GALK2: variants seen among roughly 807,000 people sequenced by gnomAD.
GALK2 encodes the protein galactokinase 2.
A neutral mutation model predicts 52.4 loss-of-function variants in GALK2; 36 were observed. The observed-to-expected ratio is 0.69, with a 90% CI of 0.53 to 0.91. The LOEUF (loss-of-function observed/expected upper bound fraction) is 0.91, where lower values mean the gene tolerates loss of function less well. GALK2 is among the 40% of genes least tolerant of loss of function. The pLI, the probability that GALK2 is intolerant of heterozygous loss-of-function variation, is 0.00. For missense variants in GALK2, 579 were observed against 559.1 expected (o/e 1.04, Z -0.36); for synonymous variants, 176 against 199.1 (o/e 0.88, Z 0.98).
At chr15:49,287,988 C>T (rs1289323649) in intron 7 of GALK2, among the ~76,000 whole-genome samples, 2 of 152,070 alleles carry the variant, frequency 1.3e-5, no homozygotes, top group Non-Finnish European at 2.9e-5. Context: ...AAAGCTAATT[C>T]ATGCAAATTC....
intron 7 of GALK2, among the ~76,000 whole-genome samples, chr15:49,285,413 C>T (rs2033234910): frequency 1.3e-5 from 2 of 152,064 alleles, no homozygotes; most frequent in African/African-American, 4.8e-5. Flanking sequence ...CACTCCTCCT[C>T]CCACAGATGT....
At chr15:49,192,995 ACCTTTT>A (rs2086886616) in intron 1 of GALK2, among the ~76,000 whole-genome samples, 4 of 126,704 alleles carry the variant, frequency 3.2e-5, no homozygotes, top group Admixed American at 8.0e-5. Context: ...TTCTGTTTAT[ACCTTTT>A]TTTTTTTTTT....
chr15:49,225,126 C>G, intron 3 of GALK2: 1 of 442,814 alleles, frequency 2.3e-6, no homozygotes, highest in Non-Finnish European at 4.5e-6. Context: ...ACAGATGACC[C>G]TCTCAGCAGG....
At position 49,367,394 on chromosome 15, in the gene GALK2, T is replaced by C. The variant is rs2045389876; in HGVS notation, c.427-97T>C. 3.5e-6 allele frequency: 5 copies of C among 1,424,124 alleles called. No homozygotes were observed. In the Admixed American group the frequency reaches 1.3e-4, roughly 37 times the overall value. The allele number at this position is 1,424,124 out of a possible 1,614,324, so 88.2% of individuals were successfully genotyped here. ...CAATTGAGACATTCAGTGAAATGTTTTGAATATTATTTTTGAAAGAAATTA... is the reference window on the plus strand; with the variant it reads ...CAATTGAGACATTCAGTGAAATGTTCTGAATATTATTTTTGAAAGAAATTA... On this transcript the variant is annotated intron_variant, in intron 3 of 3. Coordinates refer to the GALK2 transcript ENST00000558399.
intron 5 of GALK2, among the ~76,000 whole-genome samples, chr15:49,250,269 A>G (rs559183571): frequency 6.6e-6 from 1 of 152,220 alleles, no homozygotes; most frequent in Non-Finnish European, 1.5e-5. Context: ...TGATTCAAAG[A>G]GAAAAGGTTA....
At chr15:49,351,362 G>C (rs778469188) in intron 3 of GALK2, among the ~76,000 whole-genome samples, 1 of 152,076 alleles carries the variant, frequency 6.6e-6, no homozygotes, top group Non-Finnish European at 1.5e-5. Context: ...AAGAAGATAC[G>C]GCCAATTCCG....
chr15:49,365,420 T>C lies in GALK2; in HGVS notation c.427-2071T>C, dbSNP rs183907984. 2.8e-5 allele frequency: 28 copies of C among 1,000,514 alleles called. No individual in the cohort carries two copies. The East Asian group carries it at 3.6e-4, about 13-fold the overall frequency. 62.0% of individuals were successfully genotyped at this position (1,000,514 alleles called of 1,614,324 possible). On this transcript the variant is annotated intron_variant, in intron 3 of 3. Coordinates refer to the GALK2 transcript ENST00000558399. Reference sequence around the variant, plus strand: ...AGTCTAAACATCAACTCTTCTACAGTACGCAAGCAACAGGCCTGTACAATA... The same window carrying C: ...AGTCTAAACATCAACTCTTCTACAGCACGCAAGCAACAGGCCTGTACAATA...
At chr15:49,167,941 T>G (rs1468336893), upstream of GALK2, among the ~76,000 whole-genome samples, 2 of 152,222 alleles carry the variant, frequency 1.3e-5, no homozygotes, top group Non-Finnish European at 2.9e-5. Flanking sequence ...GTACACATTT[T>G]ATTTTGGGAC....
exon 4 of GALK2, chr15:49,367,554 C>T: frequency 6.2e-7 from 1 of 1,605,140 alleles, no homozygotes; most frequent in Non-Finnish European, 8.5e-7. Context: ...GGACTCTGAC[C>T]TCCAAAATTG....
chr15:49,245,192 A>C (rs1395092300), intron 5 of GALK2, among the ~76,000 whole-genome samples: 1 of 152,190 alleles, frequency 6.6e-6, no homozygotes, highest in Non-Finnish European at 1.5e-5. Context: ...CACTTATCAT[A>C]ATAGGAAAGC....
rs75472133 is a variant in GALK2 at position 49,342,394 on chromosome 15, T to C, written c.426+22589T>C. On this transcript the variant is annotated intron_variant, in intron 3 of 3. Coordinates refer to the GALK2 transcript ENST00000558399. Reference sequence around the variant, plus strand: ...ATTTATGTGATAGAACTTTCTCCAGTCCTTTAATTTGAGCCTAGGGGTGGG... The same window carrying C: ...ATTTATGTGATAGAACTTTCTCCAGCCCTTTAATTTGAGCCTAGGGGTGGG... Among the ~76,000 whole-genome samples the C allele has an allele frequency of 8.1e-4, 123 of 152,296 alleles. 1 individual carries two copies. The East Asian group carries it at 0.017, about 21-fold the overall frequency.
chr15:49,222,941 A>T (rs2089906477), intron 3 of GALK2, among the ~76,000 whole-genome samples: 1 of 152,044 alleles, frequency 6.6e-6, no homozygotes, highest in African/African-American at 2.4e-5. Flanking sequence ...AATTCATTGG[A>T]ATTGTTTGAA....
At chr15:49,204,910 C>T (rs2141324193) in intron 2 of GALK2, among the ~76,000 whole-genome samples, 1 of 152,260 alleles carries the variant, frequency 6.6e-6, no homozygotes, top group South Asian at 2.1e-4. Flanking sequence ...CTTTTGCATC[C>T]TCATAGCTTA....
intron 3 of GALK2, among the ~76,000 whole-genome samples, chr15:49,354,937 C>T (rs1596451531): frequency 6.6e-6 from 1 of 151,994 alleles, no homozygotes; most frequent in Non-Finnish European, 1.5e-5. Flanking sequence ...TGACCCCTGA[C>T]CCTCGAGCAG....
chr15:49,193,124 A>G (rs2086904126), intron 1 of GALK2, among the ~76,000 whole-genome samples: 1 of 151,584 alleles, frequency 6.6e-6, no homozygotes, highest in Non-Finnish European at 1.5e-5. Flanking sequence ...CAGCCTCCCA[A>G]GTAGCTGGGA....
chr15:49,179,042 A>G (rs1477285329), intron 1 of GALK2, among the ~76,000 whole-genome samples: 2 of 152,080 alleles, frequency 1.3e-5, no homozygotes, highest in African/African-American at 4.8e-5. Context: ...AAGATCTCTA[A>G]TATAATTTTA....
chr15:49,312,105 C>T (rs536258502), intron 8 of GALK2, among the ~76,000 whole-genome samples: 1 of 152,348 alleles, frequency 6.6e-6, no homozygotes, highest in Non-Finnish European at 1.5e-5. Flanking sequence ...GCTCTACTCT[C>T]AGGTGCATCT....
At chr15:49,294,492 G>T (rs1009520936) in intron 8 of GALK2, among the ~76,000 whole-genome samples, 1 of 152,160 alleles carries the variant, frequency 6.6e-6, no homozygotes, top group African/African-American at 2.4e-5. Flanking sequence ...AGGTAATGTG[G>T]GAGGTAATCA....
chr15:49,171,374 G>A (rs185678377), intron 1 of GALK2, among the ~76,000 whole-genome samples: 1 of 152,092 alleles, frequency 6.6e-6, no homozygotes, highest in African/African-American at 2.4e-5. Flanking sequence ...GAGCCATCGC[G>A]CCCGGCCCTC....
Sources: allele counts gnomAD v4.1 joint callset (sites outside exome capture counted in the v4.1 genomes callset), GRCh38; gene constraint gnomAD v4.1.1; transcripts MANE v1.5; gene names NCBI Gene and HGNC (gene_info 2026-07-23, HGNC 2026-07-21).